Variants in DNAJC13 observed in about 807,000 individuals in gnomAD.
DNAJC13 encodes the protein DnaJ heat shock protein family (Hsp40) member C13.
A neutral mutation model predicts 290.5 loss-of-function variants in DNAJC13; 75 were observed. The ratio of observed to expected loss-of-function variants is 0.26; its 90% CI spans 0.21 to 0.31. The LOEUF (loss-of-function observed/expected upper bound fraction) is 0.31. DNAJC13 is among the 10% of genes least tolerant of loss of function. DNAJC13 has a pLI of 1.00. For missense variants in DNAJC13, 2,260 were observed against 2,674.5 expected (o/e 0.85, Z 3.42); for synonymous variants, 862 against 892.0 (o/e 0.97, Z 0.60).
At chr3:132,467,786 T>G (rs1934052044) in intron 20 of DNAJC13, among the ~76,000 whole-genome samples, 1 of 152,160 alleles carries the variant, frequency 6.6e-6, no homozygotes, top group African/African-American at 2.4e-5. Flanking sequence ...AATTTCTAAT[T>G]CATATTTTTG....
chr3:132,523,506 A>C (rs1165868634), intron 50 of DNAJC13, 34 bp from the exon 51 acceptor site: 3 of 1,595,066 alleles, frequency 1.9e-6, no homozygotes, highest in East Asian at 4.5e-5. Flanking sequence ...AAGATTATTA[A>C]GTGACTTGAC....
intron 13 of DNAJC13, among the ~76,000 whole-genome samples, chr3:132,459,599 A>T (rs1933724833): frequency 1.3e-5 from 2 of 152,212 alleles, no homozygotes. Context: ...GTTTACCACA[A>T]TAAAAAAAAG....
intron 13 of DNAJC13, 175 bp downstream of exon 13, chr3:132,457,543 G>A: frequency 3.6e-6 from 2 of 559,168 alleles, no homozygotes; most frequent in East Asian, 5.9e-5. Flanking sequence ...AATGTGCTGT[G>A]TGCCAGAAAT....
rs1237778006 is a variant in DNAJC13 at position 132,427,139 on chromosome 3, T to A, written c.-13-7399T>A. On this transcript the variant is annotated intron_variant, in intron 1 of 55. Transcript: ENST00000260818. ...TGTGTGTATATATATATATATTTTT[T>A]TTTTTTTTTTGAGACAGGGTCTGAC... 2.0e-3 allele frequency among the ~76,000 whole-genome samples: 291 copies of A among 143,730 alleles called. 3 individuals carry two copies. The highest frequency in any genetic ancestry group is 7.6e-3 in the African/African-American group (278 of 36,422). 94.3% of individuals were successfully genotyped at this position (143,730 alleles called of 152,430 possible). A position where few individuals can be genotyped will look rare whatever the true frequency, so the allele number is the denominator to read the frequency against.
At chr3:132,475,111 T>C in intron 22 of DNAJC13, 26 bp downstream of exon 22, 4 of 1,526,976 alleles carry the variant, frequency 2.6e-6, no homozygotes, top group Non-Finnish European at 3.5e-6. Context: ...TCCAGTATAT[T>C]AATCTTAAAA....
rs760911883 is a variant in DNAJC13, at chr3:132,480,488, C to T, written c.2874+18C>T. ...CACTGCAAGTACGTATCCTTGTTTA[C>T]GTTTTACAAATTTAACGTTCTTTGA... On this transcript the variant is annotated intron_variant, in intron 26 of 55. Coordinates refer to ENST00000260818, the MANE Select transcript of DNAJC13 (RefSeq NM_015268.4). 10 of 1,554,260 alleles carry T rather than the reference C, an allele frequency of 6.4e-6. No homozygotes were observed. In the South Asian group the frequency reaches 8.1e-5, roughly 13 times the overall value.
At chr3:132,524,237 C>A (rs1440883010) in intron 51 of DNAJC13, among the ~76,000 whole-genome samples, 1 of 152,140 alleles carries the variant, frequency 6.6e-6, no homozygotes, top group Non-Finnish European at 1.5e-5. Flanking sequence ...AAGCCAAATA[C>A]CGTGATAGTA....
chr3:132,477,069 A>G (rs1934496410), intron 22 of DNAJC13, among the ~76,000 whole-genome samples: 1 of 152,382 alleles, frequency 6.6e-6, no homozygotes, highest in South Asian at 2.1e-4. Context: ...TACATGGCAC[A>G]CAGTGTATGC....
intron 2 of DNAJC13, among the ~76,000 whole-genome samples, chr3:132,435,989 C>G (rs763997678): frequency 2.6e-5 from 4 of 152,108 alleles, no homozygotes; most frequent in Admixed American, 6.5e-5. Flanking sequence ...TGTTTGTGTG[C>G]TCTTAGCGTA....
At chr3:132,449,814 C>T (rs1393292961) in intron 5 of DNAJC13, among the ~76,000 whole-genome samples, 2 of 152,036 alleles carry the variant, frequency 1.3e-5, no homozygotes, top group East Asian at 1.9e-4. Flanking sequence ...TAGAAAACTG[C>T]GGTGTTTGGG....
chr3:132,511,325 A>G, intron 44 of DNAJC13, 81 bp downstream of exon 44: 1 of 1,484,348 alleles, frequency 6.7e-7, no homozygotes, highest in Non-Finnish European at 9.2e-7. Context: ...TTATCAGGGA[A>G]ACTCAGGGAA....
intron 10 of DNAJC13, 38 bp from the exon 11 acceptor site, chr3:132,456,463 T>C (rs1933601687): frequency 2.5e-6 from 4 of 1,608,928 alleles, no homozygotes; most frequent in Non-Finnish European, 3.4e-6. Context: ...GAATTAGGAA[T>C]TCGTATCTTC....
chr3:132,527,663 G>A (rs1009777544), intron 53 of DNAJC13, among the ~76,000 whole-genome samples: 1 of 152,156 alleles, frequency 6.6e-6, no homozygotes, highest in African/African-American at 2.4e-5. Flanking sequence ...TTCACTAAAT[G>A]TCTTTTATTT....
chr3:132,517,109 G>T (rs1935943869), intron 48 of DNAJC13, among the ~76,000 whole-genome samples: 1 of 152,240 alleles, frequency 6.6e-6, no homozygotes, highest in Admixed American at 6.5e-5. Flanking sequence ...TATGACAGAA[G>T]ATAGGTTAGA....
intron 44 of DNAJC13, among the ~76,000 whole-genome samples, chr3:132,511,712 T>C (rs1418409519): frequency 2.0e-5 from 3 of 152,184 alleles, no homozygotes; most frequent in Non-Finnish European, 4.4e-5. Context: ...GTTCCTACTC[T>C]TAATCATCTT....
In DNAJC13 at chr3:132,528,409, CA is replaced by C. The variant is rs375188336; in HGVS notation, c.6525+79del. On this transcript the variant is annotated intron_variant, in intron 54 of 55. Transcript: ENST00000260818. ...CATGGATGGTCCACGTACCTGTGTT[CA>C]AGTTCCACTTACAGATATGGTTCTG... 4 of 1,531,354 alleles carry C rather than the reference CA, an allele frequency of 2.6e-6. No homozygotes were observed. In the African/African-American group the frequency reaches 5.5e-5, roughly 21 times the overall value. 94.9% of individuals were successfully genotyped at this position (1,531,354 alleles called of 1,614,324 possible). A position where few individuals can be genotyped will look rare whatever the true frequency, so the allele number is the denominator to read the frequency against.
At chr3:132,496,016 A>C (rs1935224811) in intron 35 of DNAJC13, among the ~76,000 whole-genome samples, 1 of 152,166 alleles carries the variant, frequency 6.6e-6, no homozygotes, top group Non-Finnish European at 1.5e-5. Context: ...CTGAACATAC[A>C]GTGTAACAGT....
chr3:132,533,011 G>A (rs577978574), intron 55 of DNAJC13, among the ~76,000 whole-genome samples: 7 of 148,408 alleles, frequency 4.7e-5, no homozygotes, highest in South Asian at 2.1e-4. Flanking sequence ...CACCCACCTC[G>A]GCCTCCCAAA....
intron 44 of DNAJC13, among the ~76,000 whole-genome samples, chr3:132,511,993 G>C (rs1214545068): frequency 5.9e-5 from 9 of 152,094 alleles, no homozygotes; most frequent in Non-Finnish European, 4.4e-5. Flanking sequence ...TAAAATAACA[G>C]TAATTAAATA....
Sources: allele counts gnomAD v4.1 joint callset (sites outside exome capture counted in the v4.1 genomes callset), GRCh38; gene constraint gnomAD v4.1.1; transcripts MANE v1.5; gene names NCBI Gene and HGNC (gene_info 2026-07-23, HGNC 2026-07-21).